PIK3R6: variants seen among roughly 807,000 people sequenced by gnomAD.
PIK3R6 encodes the protein phosphoinositide-3-kinase regulatory subunit 6.
PIK3R6 carries 91 observed loss-of-function variants against 84.9 expected under a neutral mutation model. The ratio of observed to expected loss-of-function variants is 1.07; its 90% CI spans 0.90 to 1.28. The LOEUF (loss-of-function observed/expected upper bound fraction) is 1.28, where lower values mean the gene tolerates loss of function less well. PIK3R6 is among the 50% of genes most tolerant of loss of function. The pLI is 0.00. For missense variants in PIK3R6, 996 were observed against 985.1 expected (o/e 1.01, Z -0.15); for synonymous variants, 416 against 411.4 (o/e 1.01, Z -0.13).
chr17:8,860,381 G>C (rs953034909), intron 1 of PIK3R6, among the ~76,000 whole-genome samples: 10 of 152,140 alleles, frequency 6.6e-5, no homozygotes, highest in Admixed American at 6.5e-4. Context: ...TTTCTTAAGA[G>C]AATCTAATAC....
At position 8,803,794 on chromosome 17, in the gene PIK3R6, C is replaced by T. The variant is rs902950607; in HGVS notation, c.2108+247G>A. On this transcript the variant is annotated intron_variant, in intron 19 of 19. Coordinates refer to ENST00000619866, the MANE Select transcript of PIK3R6 (RefSeq NM_001010855.4). This position sits in a 1 kb window ranked among gnomAD's most constrained non-coding sequence, Gnocchi z 5.0. ...CAGGAGGCTGCAGGCTGAGTGTATG[C>T]AGAGGCATCTGGGGAAAATGCAATA... is the stretch of plus-strand genomic sequence containing the variant. 5 of 583,502 alleles carry T rather than the reference C, an allele frequency of 8.6e-6. No individual in the cohort carries two copies. Among genetic ancestry groups the T allele is most frequent in the African/African-American group, 1.9e-5 (1 of 53,562 alleles). 36.1% of individuals were successfully genotyped at this position (583,502 alleles called of 1,614,324 possible). A position where few individuals can be genotyped will look rare whatever the true frequency, so the allele number is the denominator to read the frequency against.
At chr17:8,860,266 C>T (rs968582969) in intron 1 of PIK3R6, among the ~76,000 whole-genome samples, 1 of 150,730 alleles carries the variant, frequency 6.6e-6, no homozygotes, top group Non-Finnish European at 1.5e-5. Flanking sequence ...CCACCAGGAC[C>T]GCCTGAGCTC....
At chr17:8,819,289 G>T in intron 17 of PIK3R6, 91 bp from the exon 18 acceptor site, 2 of 913,638 alleles carry the variant, frequency 2.2e-6, no homozygotes, top group Non-Finnish European at 1.6e-6. Flanking sequence ...AACCCATCTT[G>T]ACACCCCCAG....
In PIK3R6 at chr17:8,828,673, C is replaced by A; in HGVS notation, c.1207G>T (p.Asp403Tyr). The change falls in exon 11 of 20, where the codon GAT becomes TAT. Residue 403 changes from aspartate to tyrosine, a missense_variant. Asp to Tyr is a radical substitution (Grantham distance 160, BLOSUM62 -3). Transcript: ENST00000619866. ...LHRRTGRPSG[D>Y]GEMLPGVSRL... The stretch of plus-strand genomic sequence containing the variant: ...GACACGCCGGGCAGCATTTCCCCAT[C>A]CCCACTGGGCCGGCCTGTCCTCCGG... The A allele has an allele frequency of 6.2e-7, 1 of 1,612,364 alleles. No homozygotes were observed. Among genetic ancestry groups the A allele is most frequent in the East Asian group, 2.2e-5 (1 of 44,844 alleles).
intron 4 of PIK3R6, 45 bp downstream of exon 4, chr17:8,838,519 T>A: frequency 6.5e-7 from 1 of 1,545,044 alleles, no homozygotes; most frequent in Non-Finnish European, 8.8e-7. Flanking sequence ...TTGGCCCCTC[T>A]CTTCCTTTCA....
In PIK3R6 at chr17:8,839,735, T is replaced by C; in HGVS notation, c.14-38A>G. On this transcript the variant is annotated intron_variant, in intron 2 of 19. Transcript: ENST00000619866. The surrounding 1 kb of genome is among the most constrained non-coding windows in gnomAD (Gnocchi z 4.2). ...AGGGGTGGGAGGAAACTCAGTCCAC[T>C]GAACCTCACCCTCGTCCCACCTCCA... 1 of 1,499,518 alleles carries C rather than the reference T, an allele frequency of 6.7e-7. No individual in the cohort carries two copies. Among genetic ancestry groups the C allele is most frequent in the Non-Finnish European group, 9.1e-7 (1 of 1,102,522 alleles). 92.9% of individuals were successfully genotyped at this position (1,499,518 alleles called of 1,614,324 possible). A position where few individuals can be genotyped will look rare whatever the true frequency, so the allele number is the denominator to read the frequency against.
At chr17:8,835,769 G>A (rs2088436186) in intron 7 of PIK3R6, among the ~76,000 whole-genome samples, 1 of 152,090 alleles carries the variant, frequency 6.6e-6, no homozygotes, top group Admixed American at 6.5e-5. Context: ...CTGGCCCAGG[G>A]ACCAGGTCAC....
Position 8,832,968 on chromosome 17 carries a change from G to A in PIK3R6, c.723C>T (p.Ser241=), listed in dbSNP as rs1365413053. The part of the protein sequence containing the change: ...AALEQMASEA[S]PSREGHVERL... Reference sequence around the variant, plus strand: ...TCTCTACGTGTCCCTCCCGGCTCGGGCTGGCCTCGCTGGCCATCTGCTCCA... The same window carrying A: ...TCTCTACGTGTCCCTCCCGGCTCGGACTGGCCTCGCTGGCCATCTGCTCCA... The change falls in exon 9 of 20, where the codon AGC becomes AGT. Residue 241 remains serine (S), a synonymous_variant. Transcript: ENST00000619866. 6.2e-7 allele frequency: 1 copy of A among 1,611,872 alleles called. No individual in the cohort carries two copies. The highest frequency in any genetic ancestry group is 8.5e-7 in the Non-Finnish European group (1 of 1,179,698).
At position 8,803,741 on chromosome 17, in the gene PIK3R6, G is replaced by A. The variant is rs1337184111; in HGVS notation, c.2108+300C>T. On this transcript the variant is annotated intron_variant, in intron 19 of 19. Coordinates refer to ENST00000619866, the MANE Select transcript of PIK3R6 (RefSeq NM_001010855.4). This position sits in a 1 kb window ranked among gnomAD's most constrained non-coding sequence, Gnocchi z 5.0. ...TGCCACAGGTCAGCCTGTGTGGGAG[G>A]GGCCCGTGCCTGCAGAGGGGACTGG... 1.1e-5 allele frequency: 6 copies of A among 554,480 alleles called. No individual in the cohort carries two copies. The highest frequency in any genetic ancestry group is 1.9e-5 in the Non-Finnish European group (6 of 311,142). 34.3% of individuals were successfully genotyped at this position (554,480 alleles called of 1,614,324 possible).
chr17:8,823,007 T>C lies in PIK3R6; in HGVS notation c.1706A>G (p.Lys569Arg), dbSNP rs146034085. Residue 569 changes from lysine to arginine, a missense_variant, in exon 15 of 20, where the codon AAA becomes AGA. Transcript: ENST00000619866. The part of the protein sequence containing the change: ...IELKVKIQDS[K>R]FPKDGFSPRR... ...AGGCAGATGCTTACCTTTGGGGAAT[T>C]TAGAATCTTGGATCTTCACCTTCAG... 5.1e-4 allele frequency: 815 copies of C among 1,605,664 alleles called. 6 individuals are homozygous for C. The African/African-American group carries it at 9.5e-3, about 19-fold the overall frequency.
intron 1 of PIK3R6, among the ~76,000 whole-genome samples, chr17:8,854,435 C>T (rs1255240157): frequency 6.6e-6 from 1 of 152,202 alleles, no homozygotes; most frequent in Non-Finnish European, 1.5e-5. Flanking sequence ...GTGTGAGCCA[C>T]CACGCTCAGC....
Position 8,803,757 on chromosome 17 carries a change from A to T in PIK3R6, c.2108+284T>A. 1.8e-6 allele frequency: 1 copy of T among 563,472 alleles called. No individual in the cohort carries two copies. The highest frequency in any genetic ancestry group is 2.2e-5 in the South Asian group (1 of 46,158). 34.9% of individuals were successfully genotyped at this position (563,472 alleles called of 1,614,324 possible). A position where few individuals can be genotyped will look rare whatever the true frequency, so the allele number is the denominator to read the frequency against. ...GTGTGGGAGGGGCCCGTGCCTGCAGAGGGGACTGGATCAGGAGGCTGCAGG... is the reference window on the plus strand; with the variant it reads ...GTGTGGGAGGGGCCCGTGCCTGCAGTGGGGACTGGATCAGGAGGCTGCAGG... On this transcript the variant is annotated intron_variant, in intron 19 of 19. Coordinates refer to ENST00000619866, the MANE Select transcript of PIK3R6 (RefSeq NM_001010855.4). The surrounding 1 kb of genome is among the most constrained non-coding windows in gnomAD (Gnocchi z 5.0).
At chr17:8,829,463 T>G (rs3890897) in intron 10 of PIK3R6, among the ~76,000 whole-genome samples, 8 of 133,660 alleles carry the variant, frequency 6.0e-5, no homozygotes, top group African/African-American at 1.4e-4. Flanking sequence ...TCCACACACA[T>G]ACACTGACAC....
At chr17:8,828,301 G>C (rs2088019216) in intron 11 of PIK3R6, 111 bp from the exon 12 acceptor site, 3 of 1,177,230 alleles carry the variant, frequency 2.5e-6, no homozygotes, top group Non-Finnish European at 2.5e-6. Context: ...TCATCTTTCT[G>C]AGCCTCTGCT....
At chr17:8,855,194 G>GAAACAAAACAAAACAAAACA (rs71361831) in intron 1 of PIK3R6, among the ~76,000 whole-genome samples, 14 of 144,566 alleles carry the variant, frequency 9.7e-5, no homozygotes, top group Non-Finnish European at 1.5e-4. Context: ...CTCCATCTCA[G>GAAACAAAACAAAACAAAACA]AAACAAAACA....
At chr17:8,828,303 G>T in intron 11 of PIK3R6, 113 bp from the exon 12 acceptor site, 1 of 1,161,356 alleles carries the variant, frequency 8.6e-7, no homozygotes, top group Non-Finnish European at 1.3e-6. Flanking sequence ...ATCTTTCTGA[G>T]CCTCTGCTTT....
intron 17 of PIK3R6, among the ~76,000 whole-genome samples, chr17:8,819,651 T>A (rs933825306): frequency 4.8e-5 from 7 of 145,576 alleles, no homozygotes; most frequent in East Asian, 2.0e-4. Context: ...ACTTTCTTTT[T>A]TTATTATTAT....
At chr17:8,809,937 C>A (rs2087306868) in intron 18 of PIK3R6, among the ~76,000 whole-genome samples, 2 of 152,074 alleles carry the variant, frequency 1.3e-5, no homozygotes, top group Non-Finnish European at 2.9e-5. Context: ...ATAAAGGGAT[C>A]AATTCAACAA....
At chr17:8,827,948 A>C (rs1217431866) in intron 12 of PIK3R6, among the ~76,000 whole-genome samples, 164 bp downstream of exon 12, 1 of 152,196 alleles carries the variant, frequency 6.6e-6, no homozygotes, top group Admixed American at 6.5e-5. Flanking sequence ...CACCGTCTGC[A>C]GCCTCTGAAA....
Sources: gnomAD v4.1 joint callset for allele counts (sites outside exome capture counted in the v4.1 genomes callset) on GRCh38, gnomAD v4.1.1 for gene constraint, Gnocchi (gnomAD v3.1) non-coding constraint, MANE v1.5 for transcripts, NCBI Gene and HGNC (gene_info 2026-07-23, HGNC 2026-07-21) for gene names.